Variants in SLC1A2 observed in about 807,000 individuals in gnomAD.
The protein encoded by SLC1A2 is excitatory amino acid transporter 2.
A neutral mutation model predicts 48.8 loss-of-function variants in SLC1A2; 15 were observed. The observed-to-expected ratio is 0.31, with a 90% CI of 0.21 to 0.47. The LOEUF is 0.47. Among genes scored for constraint, SLC1A2 ranks in the 20% least tolerant of loss-of-function variants. SLC1A2 has a pLI of 0.99. For missense variants in SLC1A2, 502 were observed against 730.5 expected, an observed-to-expected ratio of 0.69 and a Z score of 3.61; for synonymous variants, 279 against 272.6, an observed-to-expected ratio of 1.02 and a Z score of -0.23.
At chr11:35,394,084 C>CT (rs1854874189) in intron 1 of SLC1A2, among the ~76,000 whole-genome samples, 1 of 152,146 alleles carries the variant, frequency 6.6e-6, no homozygotes, top group African/African-American at 2.4e-5. Flanking sequence ...CTATCACCTC[C>CT]TTTTGCCCCA....
At chr11:35,269,781 A>G (rs10836361) in intron 9 of SLC1A2, among the ~76,000 whole-genome samples, 57,441 of 152,074 alleles carry the variant, frequency 0.38, 11,062 homozygotes, top group South Asian at 0.53. Flanking sequence ...ATAGCCATTA[A>G]GACAGGAATG....
chr11:35,257,648 T>G lies in SLC1A2; in HGVS notation c.*3246A>C, dbSNP rs894221192. The G allele has an allele frequency of 1.3e-5, 2 of 152,234 alleles. No homozygotes were observed. The highest frequency in any genetic ancestry group is 4.8e-5 in the African/African-American group (2 of 41,456). 9.4% of individuals were successfully genotyped at this position (152,234 alleles called of 1,614,324 possible). On this transcript the variant is annotated 3_prime_UTR_variant, in exon 11 of 11. Coordinates refer to ENST00000278379, the MANE Select transcript of SLC1A2 (RefSeq NM_004171.4). ...TTCTTCTCACTGATTGGATTGGATTTGATTCATTGAATTTGAGTAAGTAAT... is the reference window on the plus strand; with the variant it reads ...TTCTTCTCACTGATTGGATTGGATTGGATTCATTGAATTTGAGTAAGTAAT...
intron 1 of SLC1A2, among the ~76,000 whole-genome samples, chr11:35,381,104 T>C (rs1043636933): frequency 6.6e-6 from 1 of 152,232 alleles, no homozygotes; most frequent in Non-Finnish European, 1.5e-5. Flanking sequence ...CCTCCTTTCA[T>C]CCCTTTGTTT....
intron 1 of SLC1A2, among the ~76,000 whole-genome samples, chr11:35,338,469 C>A (rs3847618): frequency 0.1 from 15,841 of 152,078 alleles, 986 homozygotes; most frequent in African/African-American, 0.15. Context: ...ATCCTCATAA[C>A]CACATAGATT....
chr11:35,397,591 G>A (rs538829892), intron 1 of SLC1A2, among the ~76,000 whole-genome samples: 1 of 152,234 alleles, frequency 6.6e-6, no homozygotes, highest in South Asian at 2.1e-4. Context: ...AGAAAACCTA[G>A]GCATTACCCT....
At chr11:35,386,491 T>C (rs1421365085) in intron 1 of SLC1A2, among the ~76,000 whole-genome samples, 1 of 152,228 alleles carries the variant, frequency 6.6e-6, no homozygotes, top group Non-Finnish European at 1.5e-5. Context: ...AAGGCATCAA[T>C]ATGTTACTAC....
intron 1 of SLC1A2, among the ~76,000 whole-genome samples, chr11:35,403,631 A>G (rs1418773894): frequency 6.6e-6 from 1 of 152,176 alleles, no homozygotes; most frequent in Non-Finnish European, 1.5e-5. Context: ...CCTAAGTCGC[A>G]TATCCATAAA....
At chr11:35,343,269 C>T (rs1049789274) in intron 1 of SLC1A2, among the ~76,000 whole-genome samples, 2 of 152,386 alleles carry the variant, frequency 1.3e-5, no homozygotes, top group Admixed American at 6.5e-5. Context: ...CTGGACCCAA[C>T]ATAGCACTGG....
At chr11:35,310,080 G>T (rs1274098889) in intron 4 of SLC1A2, among the ~76,000 whole-genome samples, 1 of 152,164 alleles carries the variant, frequency 6.6e-6, no homozygotes, top group Admixed American at 6.5e-5. Context: ...TGTGAGTGTG[G>T]CCAGCTCCAC....
intron 1 of SLC1A2, among the ~76,000 whole-genome samples, chr11:35,411,111 T>A (rs1478400264): frequency 1.3e-5 from 2 of 152,254 alleles, no homozygotes; most frequent in Non-Finnish European, 2.9e-5. Context: ...GATGATTTTA[T>A]AAATATCTGC....
chr11:35,276,887 A>G (rs1222805838), intron 9 of SLC1A2, among the ~76,000 whole-genome samples: 2 of 152,212 alleles, frequency 1.3e-5, no homozygotes, highest in Non-Finnish European at 2.9e-5. Flanking sequence ...CTATAGCAAA[A>G]TACTTGAGAT....
rs1854731582 is a variant in SLC1A2 at position 35,390,523 on chromosome 11, T to C, written c.17+28427A>G. On this transcript the variant is annotated intron_variant, in intron 1 of 10. Coordinates refer to ENST00000278379, the MANE Select transcript of SLC1A2 (RefSeq NM_004171.4). ...AATGTGACCAGTGCAAAATGAGATGTGTCATAAGTTTAAAATACCAGCAGA... is the reference window on the plus strand; with the variant it reads ...AATGTGACCAGTGCAAAATGAGATGCGTCATAAGTTTAAAATACCAGCAGA... Among the ~76,000 whole-genome samples, 2 of 152,168 alleles carry C rather than the reference T, an allele frequency of 1.3e-5. 1 individual carries two copies. Among genetic ancestry groups the C allele is most frequent in the South Asian group, 4.1e-4 (2 of 4,820 alleles).
chr11:35,323,069 C>A (rs1852129089), intron 1 of SLC1A2: 1 of 378,836 alleles, frequency 2.6e-6, no homozygotes, highest in African/African-American at 2.1e-5. Context: ...CCAAAGTCTC[C>A]TTCAGTCCCT....
intron 1 of SLC1A2, among the ~76,000 whole-genome samples, chr11:35,348,832 G>T (rs1853134524): frequency 6.8e-6 from 1 of 146,870 alleles, no homozygotes; most frequent in South Asian, 2.2e-4. Context: ...GGTGGAGGCT[G>T]CAGTGAGCCG....
At chr11:35,324,302 A>G (rs1163286128) in intron 1 of SLC1A2, among the ~76,000 whole-genome samples, 1 of 152,240 alleles carries the variant, frequency 6.6e-6, no homozygotes, top group Non-Finnish European at 1.5e-5. Context: ...ACCAGCTCTG[A>G]TGAGTAACTG....
At chr11:35,297,568 G>T (rs111296247) in intron 6 of SLC1A2, among the ~76,000 whole-genome samples, 3,574 of 152,116 alleles carry the variant, frequency 0.023, 140 homozygotes, top group African/African-American at 0.081. Context: ...AGTAGGCAGA[G>T]ATTTTACTTC....
chr11:35,399,152 A>C (rs549809833), intron 1 of SLC1A2, among the ~76,000 whole-genome samples: 19 of 152,120 alleles, frequency 1.2e-4, no homozygotes, highest in Non-Finnish European at 2.6e-4. Context: ...AAGCCTACCC[A>C]CGGTTGCCTT....
chr11:35,403,113 G>GT (rs1565305812), intron 1 of SLC1A2, among the ~76,000 whole-genome samples: 1 of 152,106 alleles, frequency 6.6e-6, no homozygotes, highest in African/African-American at 2.4e-5. Flanking sequence ...AACATTATAG[G>GT]TATCTTCCAG....
At chr11:35,383,715 G>A (rs1413001160) in intron 1 of SLC1A2, among the ~76,000 whole-genome samples, 1 of 152,188 alleles carries the variant, frequency 6.6e-6, no homozygotes, top group African/African-American at 2.4e-5. Context: ...CTATCATTAT[G>A]GAATGAACCA....
Sources: allele counts gnomAD v4.1 joint callset (sites outside exome capture counted in the v4.1 genomes callset), GRCh38; gene constraint gnomAD v4.1.1; transcripts MANE v1.5; gene names NCBI Gene and HGNC (gene_info 2026-07-23, HGNC 2026-07-21).